Variants in AMBRA1 observed in about 807,000 individuals in gnomAD.
AMBRA1 encodes the protein autophagy and beclin 1 regulator 1.
AMBRA1 carries 47 observed loss-of-function variants against 125.4 expected under a neutral mutation model. The ratio of observed to expected loss-of-function variants is 0.37; its 90% CI spans 0.30 to 0.48. The LOEUF (loss-of-function observed/expected upper bound fraction) is 0.48. Among genes scored for constraint, AMBRA1 ranks in the 20% least tolerant of loss-of-function variants. AMBRA1 has a pLI of 0.99. For missense variants in AMBRA1, 1,331 were observed against 1,693.4 expected (o/e 0.79, Z 3.76); for synonymous variants, 626 against 655.5 (o/e 0.95, Z 0.69).
At chr11:46,460,933 A>G (rs1949067319) in intron 11 of AMBRA1, among the ~76,000 whole-genome samples, 1 of 152,212 alleles carries the variant, frequency 6.6e-6, no homozygotes, top group African/African-American at 2.4e-5. Flanking sequence ...AAATAAATAA[A>G]TGAATTAATT....
At chr11:46,511,550 C>G (rs1462260234) in intron 8 of AMBRA1, among the ~76,000 whole-genome samples, 3 of 152,230 alleles carry the variant, frequency 2.0e-5, no homozygotes, top group Admixed American at 2.0e-4. Context: ...TAATCTAGAG[C>G]AAAGTTCATT....
chr11:46,579,666 G>A (rs1202806049), intron 1 of AMBRA1, among the ~76,000 whole-genome samples: 2 of 152,008 alleles, frequency 1.3e-5, no homozygotes, highest in Non-Finnish European at 2.9e-5. Flanking sequence ...CTATCTTCAC[G>A]GATCTTACTG....
intron 1 of AMBRA1, among the ~76,000 whole-genome samples, chr11:46,556,402 T>C (rs373535301): frequency 1.3e-5 from 2 of 152,244 alleles, no homozygotes; most frequent in African/African-American, 4.8e-5. Context: ...AAACAACACA[T>C]TCCCGAAGGC....
intron 7 of AMBRA1, among the ~76,000 whole-genome samples, chr11:46,523,784 C>T (rs1040353458): frequency 6.6e-6 from 1 of 152,180 alleles, no homozygotes; most frequent in African/African-American, 2.4e-5. Context: ...CACAAGACCA[C>T]CAGAACCAGG....
chr11:46,450,505 T>C (rs1473016693), intron 11 of AMBRA1, among the ~76,000 whole-genome samples: 1 of 151,842 alleles, frequency 6.6e-6, no homozygotes, highest in Non-Finnish European at 1.5e-5. Flanking sequence ...AGTGGTGCAA[T>C]CACGGCTCAC....
chr11:46,429,787 C>T (rs1388061472), intron 14 of AMBRA1, among the ~76,000 whole-genome samples: 2 of 151,896 alleles, frequency 1.3e-5, no homozygotes, highest in African/African-American at 2.4e-5. Context: ...AAATGAAAGC[C>T]GAGAGGGAAC....
intron 1 of AMBRA1, among the ~76,000 whole-genome samples, chr11:46,586,128 T>C (rs967366368): frequency 1.8e-4 from 27 of 152,184 alleles, no homozygotes; most frequent in Non-Finnish European, 3.2e-4. Flanking sequence ...TTTTTAAAAC[T>C]GGACGCACTG....
At chr11:46,406,501 A>AC (rs1946029722) in intron 17 of AMBRA1, among the ~76,000 whole-genome samples, 1 of 151,602 alleles carries the variant, frequency 6.6e-6, no homozygotes, top group Admixed American at 6.6e-5. Context: ...ACATAGTGAG[A>AC]CCCCATCTCA....
chr11:46,457,430 C>T (rs1446134789), intron 11 of AMBRA1, among the ~76,000 whole-genome samples: 2 of 152,108 alleles, frequency 1.3e-5, no homozygotes, highest in South Asian at 2.1e-4. Context: ...AAAAATTTAA[C>T]GGTTGACAAT....
intron 11 of AMBRA1, among the ~76,000 whole-genome samples, chr11:46,467,746 C>G (rs1949391025): frequency 6.6e-6 from 1 of 152,094 alleles, no homozygotes; most frequent in African/African-American, 2.4e-5. Context: ...GTCAGCTAGG[C>G]TGGTCTCAAA....
chr11:46,429,087 C>T, intron 14 of AMBRA1: 2 of 1,609,326 alleles, frequency 1.2e-6, no homozygotes, highest in Non-Finnish European at 1.7e-6. Flanking sequence ...TTCTTGGCCA[C>T]CATGACTCCC....
Position 46,545,161 on chromosome 11 carries a change from C to CG in AMBRA1, c.551+442dup, listed in dbSNP as rs59510298. Among the ~76,000 whole-genome samples, 246 of 33,594 alleles carry CG rather than the reference C, an allele frequency of 7.3e-3. 6 individuals are homozygous for CG. The highest frequency in any genetic ancestry group is 0.023 in the South Asian group (15 of 648). 22.0% of individuals were successfully genotyped at this position (33,594 alleles called of 152,430 possible). On this transcript the variant is annotated intron_variant, in intron 5 of 17. Transcript: ENST00000683756. The stretch of plus-strand genomic sequence containing the variant: ...GTCTCCTTAAAAAAAAAAAAAAAGC[C>CG]GGGGGGGGGGGGGTGGTGGTGGGCA...
chr11:46,512,607 G>A (rs1951306330), intron 8 of AMBRA1, 120 bp downstream of exon 8: 4 of 705,104 alleles, frequency 5.7e-6, no homozygotes, highest in Non-Finnish European at 9.2e-6. Flanking sequence ...TCTCAAAACT[G>A]TAACTGAAGA....
In AMBRA1 at chr11:46,417,920, G is replaced by T; in HGVS notation, c.3109C>A (p.Arg1037=). The change falls in exon 15 of 18, where the codon CGA becomes AGA. Residue 1037 remains arginine, a synonymous_variant. Coordinates refer to ENST00000683756, the MANE Select transcript of AMBRA1 (RefSeq NM_001387011.1). ...ACACTTTAAGCCACTTACTCTGGTC[G>T]GCAGATCACCAGGTCTCCTTTGTTA... is the stretch of plus-strand genomic sequence containing the variant. ...GTNKGDLVIC[R]PEALNSGVEY... is the part of the protein sequence containing the mutation. The T allele has an allele frequency of 6.2e-7, 1 of 1,608,866 alleles. No individual in the cohort carries two copies. The highest frequency in any genetic ancestry group is 1.1e-5 in the South Asian group (1 of 90,612).
At chr11:46,468,931 G>A (rs188177969) in intron 11 of AMBRA1, among the ~76,000 whole-genome samples, 2 of 152,140 alleles carry the variant, frequency 1.3e-5, no homozygotes, top group African/African-American at 2.4e-5. Context: ...ATCACCTGAA[G>A]TCAGGAATTC....
At chr11:46,577,413 A>G (rs2043995086) in intron 1 of AMBRA1, among the ~76,000 whole-genome samples, 1 of 152,186 alleles carries the variant, frequency 6.6e-6, no homozygotes, top group South Asian at 2.1e-4. Context: ...AGAATAAATC[A>G]ATCCACAGAG....
intron 1 of AMBRA1, among the ~76,000 whole-genome samples, chr11:46,580,019 T>G (rs117396687): frequency 1.3e-3 from 194 of 152,242 alleles, no homozygotes; most frequent in Non-Finnish European, 2.3e-3. Flanking sequence ...AGCCTACACA[T>G]GTCAATAATC....
At chr11:46,448,769 C>T (rs1194517803) in intron 11 of AMBRA1, among the ~76,000 whole-genome samples, 4 of 152,166 alleles carry the variant, frequency 2.6e-5, no homozygotes, top group Admixed American at 6.5e-5. Flanking sequence ...GCCATCACTA[C>T]TGATCCCATG....
intron 1 of AMBRA1, among the ~76,000 whole-genome samples, chr11:46,550,930 CAAA>C (rs1159824681): frequency 1.5e-5 from 1 of 64,900 alleles, no homozygotes. Context: ...ACTAAAAATA[CAAA>C]AAAAAAAAAA....
Sources: allele counts gnomAD v4.1 joint callset (sites outside exome capture counted in the v4.1 genomes callset), GRCh38; gene constraint gnomAD v4.1.1; transcripts MANE v1.5; gene names NCBI Gene and HGNC (gene_info 2026-07-23, HGNC 2026-07-21).